CHST11: variants seen among roughly 807,000 people sequenced by gnomAD.
CHST11 encodes carbohydrate sulfotransferase 11.
CHST11 carries 9 observed loss-of-function variants against 30.4 expected under a neutral mutation model. That is an observed-to-expected ratio of 0.30 (90% CI 0.18 to 0.52). The LOEUF (loss-of-function observed/expected upper bound fraction) is 0.52. CHST11 is among the 20% of genes least tolerant of loss of function. CHST11 has a pLI of 0.97. For synonymous variants in CHST11, 152 were observed against 187.8 expected, an observed-to-expected ratio of 0.81 and a Z score of 1.56; for missense variants, 348 against 460.6, an observed-to-expected ratio of 0.76 and a Z score of 2.24.
chr12:104,507,266 T>G (rs1233881471), intron 1 of CHST11, among the ~76,000 whole-genome samples: 1 of 152,206 alleles, frequency 6.6e-6, no homozygotes, highest in African/African-American at 2.4e-5. Context: ...GGGCGAATGC[T>G]GCCAATTAGC....
chr12:104,581,351 T>C (rs900482486), intron 1 of CHST11, among the ~76,000 whole-genome samples: 2 of 152,232 alleles, frequency 1.3e-5, no homozygotes, highest in Non-Finnish European at 2.9e-5. Context: ...TGTTTATATA[T>C]GTATATCTGT....
intron 2 of CHST11, among the ~76,000 whole-genome samples, chr12:104,626,376 A>T (rs1380820367): frequency 6.6e-6 from 1 of 152,152 alleles, no homozygotes; most frequent in Non-Finnish European, 1.5e-5. Context: ...CAATTATGTC[A>T]TTAACAACTT....
intron 1 of CHST11, among the ~76,000 whole-genome samples, chr12:104,504,543 G>A (rs2037884425): frequency 6.6e-6 from 1 of 152,226 alleles, no homozygotes; most frequent in Admixed American, 6.5e-5. Context: ...CATCTGGGTA[G>A]GGAGGAGGCC....
chr12:104,637,481 T>C, intron 2 of CHST11, among the ~76,000 whole-genome samples: 1 of 152,044 alleles, frequency 6.6e-6, no homozygotes, highest in Admixed American at 6.5e-5. Context: ...AAACTTAAAG[T>C]ATAATAATAA....
chr12:104,709,219 G>A (rs1433449148), intron 2 of CHST11, among the ~76,000 whole-genome samples: 1 of 152,188 alleles, frequency 6.6e-6, no homozygotes, highest in Non-Finnish European at 1.5e-5. Flanking sequence ...CCCTCCTGTG[G>A]GGACCTACGA....
At chr12:104,651,197 A>G (rs1282444668) in intron 2 of CHST11, among the ~76,000 whole-genome samples, 2 of 152,196 alleles carry the variant, frequency 1.3e-5, no homozygotes, top group African/African-American at 4.8e-5. Flanking sequence ...CTTTGTGTTC[A>G]TTGCTTATTT....
chr12:104,606,454 C>T (rs552965565), intron 2 of CHST11, among the ~76,000 whole-genome samples: 12 of 152,232 alleles, frequency 7.9e-5, no homozygotes, highest in Admixed American at 2.6e-4. Flanking sequence ...ATTTTTCACA[C>T]GTCTCATGGA....
chr12:104,672,161 G>T (rs2039703145), intron 2 of CHST11, among the ~76,000 whole-genome samples: 1 of 152,176 alleles, frequency 6.6e-6, no homozygotes, highest in Non-Finnish European at 1.5e-5. Context: ...GGAATGTCAG[G>T]GAAGCGCGTT....
intron 2 of CHST11, among the ~76,000 whole-genome samples, chr12:104,727,986 C>T (rs312155): frequency 0.52 from 79,156 of 152,014 alleles, 20,891 homozygotes; most frequent in East Asian, 0.65. Flanking sequence ...CACAGCTGTG[C>T]CTTCCGGCAT....
chr12:104,505,747 G>A (rs2037898775), intron 1 of CHST11, among the ~76,000 whole-genome samples: 1 of 152,212 alleles, frequency 6.6e-6, no homozygotes, highest in Non-Finnish European at 1.5e-5. Flanking sequence ...GCCTTGGCAA[G>A]CATTCAGCAA....
rs538480804 is a variant in CHST11, at chr12:104,717,567, T to A, written c.205-39382T>A. 1.9e-4 allele frequency among the ~76,000 whole-genome samples: 29 copies of A among 151,796 alleles called. No individual in the cohort carries two copies. In the South Asian group the frequency reaches 5.6e-3, roughly 29 times the overall value. Reference sequence around the variant, plus strand: ...GGCAGGGGGATCATGAGGTCAGGAGTTCGAGACCAGCCTAGCAAATATAGT... The same window carrying A: ...GGCAGGGGGATCATGAGGTCAGGAGATCGAGACCAGCCTAGCAAATATAGT... On this transcript the variant is annotated intron_variant, in intron 2 of 2. Coordinates refer to ENST00000303694, the MANE Select transcript of CHST11 (RefSeq NM_018413.6).
chr12:104,536,904 G>A (rs1442517992), intron 1 of CHST11, among the ~76,000 whole-genome samples: 1 of 152,174 alleles, frequency 6.6e-6, no homozygotes, highest in Admixed American at 6.5e-5. Context: ...GGATAGTTGT[G>A]CAGCACTACC....
At chr12:104,653,277 T>C (rs2039511532) in intron 2 of CHST11, among the ~76,000 whole-genome samples, 1 of 152,230 alleles carries the variant, frequency 6.6e-6, no homozygotes, top group Non-Finnish European at 1.5e-5. Context: ...TTATTTCCCT[T>C]AACCTAATGT....
At chr12:104,498,594 G>A (rs17035663) in intron 1 of CHST11, among the ~76,000 whole-genome samples, 42,999 of 152,060 alleles carry the variant, frequency 0.28, 6,330 homozygotes, top group Admixed American at 0.33. Context: ...GGAGGGCCAG[G>A]CCTTCAAAGA....
chr12:104,678,439 C>T (rs2039763129), intron 2 of CHST11, among the ~76,000 whole-genome samples: 1 of 152,184 alleles, frequency 6.6e-6, no homozygotes, highest in Admixed American at 6.5e-5. Context: ...TACTTGCTAA[C>T]ATGCTGCGCT....
At chr12:104,527,195 G>C (rs779408872) in intron 1 of CHST11, among the ~76,000 whole-genome samples, 2 of 152,222 alleles carry the variant, frequency 1.3e-5, no homozygotes, top group Non-Finnish European at 2.9e-5. Context: ...AATCCAGTCT[G>C]ACTGATGGGC....
intron 2 of CHST11, among the ~76,000 whole-genome samples, chr12:104,741,334 A>C (rs2040345133): frequency 6.6e-6 from 1 of 152,006 alleles, no homozygotes; most frequent in Admixed American, 6.6e-5. Flanking sequence ...AACTAGCTCC[A>C]CCTCTCTCTT....
At chr12:104,516,194 CTTG>C (rs1440019771) in intron 1 of CHST11, among the ~76,000 whole-genome samples, 1 of 152,162 alleles carries the variant, frequency 6.6e-6, no homozygotes, top group Non-Finnish European at 1.5e-5. Context: ...TCACTAGATA[CTTG>C]TTGTGATAAC....
intron 2 of CHST11, among the ~76,000 whole-genome samples, chr12:104,730,532 A>G (rs2040248418): frequency 6.6e-6 from 1 of 152,140 alleles, no homozygotes; most frequent in Non-Finnish European, 1.5e-5. Context: ...CTCCTGTGAC[A>G]CAGTATGATG....
Sources: gnomAD v4.1 joint callset for allele counts (sites outside exome capture counted in the v4.1 genomes callset) on GRCh38, gnomAD v4.1.1 for gene constraint, MANE v1.5 for transcripts, NCBI Gene and HGNC (gene_info 2026-07-23, HGNC 2026-07-21) for gene names.